Variants in PHYKPL observed in about 807,000 individuals in gnomAD.
The protein encoded by PHYKPL is 5-phosphohydroxy-L-lysine phospho-lyase, also known as 5-phosphonooxy-L-lysine phospho-lyase.
Under a neutral mutation model 51.3 loss-of-function variants are expected in PHYKPL, and 42 were observed. That is an observed-to-expected ratio of 0.82 (90% CI 0.64 to 1.06). PHYKPL has a LOEUF of 1.06. PHYKPL is among the 50% of genes least tolerant of loss of function. The pLI is 0.00. For synonymous variants in PHYKPL, 264 were observed against 236.0 expected, an observed-to-expected ratio of 1.12 and a Z score of -1.09; for missense variants, 655 against 586.6, an observed-to-expected ratio of 1.12 and a Z score of -1.20.
At chr5:178,217,699 A>C (rs539864813) in intron 8 of PHYKPL, among the ~76,000 whole-genome samples, 2 of 150,672 alleles carry the variant, frequency 1.3e-5, no homozygotes, top group Non-Finnish European at 3.0e-5. Flanking sequence ...TGTACTAAAA[A>C]TACAAAAGAT....
chr5:178,217,857 C>CA (rs754292344), intron 8 of PHYKPL, among the ~76,000 whole-genome samples: 1 of 122,076 alleles, frequency 8.2e-6, no homozygotes. Flanking sequence ...GACTCCGTCT[C>CA]AGAAAAAAAA....
intron 12 of PHYKPL, chr5:178,209,552 A>T: frequency 6.8e-5 from 63 of 929,178 alleles, no homozygotes; most frequent in East Asian, 1.3e-4. Context: ...GGGTGGGCAG[A>T]TTGTGTGAGG....
intron 4 of PHYKPL, 116 bp downstream of exon 4, chr5:178,225,239 C>T (rs1034425047): frequency 7.7e-5 from 93 of 1,201,242 alleles, no homozygotes; most frequent in Non-Finnish European, 1.1e-4. Flanking sequence ...CACTTGTCTT[C>T]AGTAGCCCAG....
intron 3 of PHYKPL, chr5:178,228,188 G>A: frequency 3.6e-6 from 1 of 275,054 alleles, no homozygotes; most frequent in Non-Finnish European, 6.9e-6. Flanking sequence ...GAGAATGGAA[G>A]AGATCACCTG....
At chr5:178,210,547 C>A in intron 12 of PHYKPL, 1 of 1,613,736 alleles carries the variant, frequency 6.2e-7, no homozygotes, top group Non-Finnish European at 8.5e-7. Context: ...TTGTTCTCGT[C>A]CCTAGGTCAG....
chr5:178,232,475 GC>G lies in PHYKPL; in HGVS notation c.59+16del, dbSNP rs575013913. ...CGCAGCCCCGCGCCCCCCGCCGCCC[GC>G]CCCCCGCCCGGGTACCTGATGAGCC... On this transcript the variant is annotated intron_variant, in intron 1 of 12. Coordinates refer to ENST00000308158, the MANE Select transcript of PHYKPL (RefSeq NM_153373.4). 8 of 1,232,476 alleles carry G rather than the reference GC, an allele frequency of 6.5e-6. No individual in the cohort carries two copies. Among genetic ancestry groups the G allele is most frequent in the African/African-American group, 1.6e-5 (1 of 62,416 alleles). 76.3% of individuals were successfully genotyped at this position (1,232,476 alleles called of 1,614,324 possible). A position where few individuals can be genotyped will look rare whatever the true frequency, so the allele number is the denominator to read the frequency against.
chr5:178,221,285 G>C (rs1761125269), intron 8 of PHYKPL, among the ~76,000 whole-genome samples: 1 of 152,112 alleles, frequency 6.6e-6, no homozygotes, highest in Non-Finnish European at 1.5e-5. Flanking sequence ...CAACCCACTT[G>C]ATTTCCTGCT....
At chr5:178,207,764 A>ACAAT (rs1403589583), downstream of PHYKPL, among the ~76,000 whole-genome samples, 1 of 146,970 alleles carries the variant, frequency 6.8e-6, no homozygotes, top group Non-Finnish European at 1.5e-5. Context: ...GTGCGGTAAC[A>ACAAT]CAATCATGGC....
rs1290804169 is a variant in PHYKPL, at chr5:178,211,893, G to C, written c.*28C>G. ...GTAAGAAGCAAGGCCCACTCACCTGGAGTACACTTAGGCAGAGCAGGGCTG... is the reference window on the plus strand; with the variant it reads ...GTAAGAAGCAAGGCCCACTCACCTGCAGTACACTTAGGCAGAGCAGGGCTG... On this transcript the variant is annotated 3_prime_UTR_variant, in exon 12 of 13. Coordinates refer to ENST00000308158, the MANE Select transcript of PHYKPL (RefSeq NM_153373.4). The C allele has an allele frequency of 6.2e-7, 1 of 1,611,972 alleles. No homozygotes were observed. The highest frequency in any genetic ancestry group is 1.3e-5 in the African/African-American group (1 of 75,024).
chr5:178,208,019 T>C (rs528526139), downstream of PHYKPL, among the ~76,000 whole-genome samples: 5 of 152,254 alleles, frequency 3.3e-5, no homozygotes, highest in Non-Finnish European at 7.4e-5. Flanking sequence ...CAGGCAAAAA[T>C]CCTTCCAAAG....
intron 10 of PHYKPL, among the ~76,000 whole-genome samples, chr5:178,213,570 T>G (rs2113725325): frequency 6.6e-6 from 1 of 152,374 alleles, no homozygotes; most frequent in South Asian, 2.1e-4. Flanking sequence ...AATTCCAGTT[T>G]AAAATGTCCA....
At chr5:178,207,506 A>C (rs571626005), downstream of PHYKPL, among the ~76,000 whole-genome samples, 232 of 152,098 alleles carry the variant, frequency 1.5e-3, no homozygotes, top group African/African-American at 5.4e-3. Context: ...TCCTCACTTA[A>C]AGCTAGAGGT....
At chr5:178,207,457 G>A (rs912549435), downstream of PHYKPL, among the ~76,000 whole-genome samples, 2 of 152,170 alleles carry the variant, frequency 1.3e-5, no homozygotes, top group African/African-American at 4.8e-5. Flanking sequence ...AGGAGAAGGT[G>A]GCCTCTGTGA....
intron 12 of PHYKPL, chr5:178,209,540 A>T: frequency 2.3e-4 from 238 of 1,023,540 alleles, no homozygotes; most frequent in East Asian, 5.6e-4. Flanking sequence ...GCTGTGCAGC[A>T]GGGGTGGGCA....
intron 12 of PHYKPL, chr5:178,210,477 G>A: frequency 6.6e-7 from 1 of 1,512,000 alleles, no homozygotes; most frequent in Non-Finnish European, 9.2e-7. Flanking sequence ...GAGGGTCCTG[G>A]GAAGATGCAT....
intron 12 of PHYKPL, chr5:178,210,930 G>C (rs1303542395): frequency 2.6e-6 from 1 of 387,860 alleles, no homozygotes; most frequent in Non-Finnish European, 4.7e-6. Context: ...TGTGGACCCT[G>C]GTTGTAAAGA....
intron 12 of PHYKPL, 31 bp downstream of exon 12, chr5:178,211,859 T>G: frequency 6.5e-7 from 1 of 1,529,134 alleles, no homozygotes; most frequent in Non-Finnish European, 9.1e-7. Flanking sequence ...CCGCTGTGCA[T>G]CTTCAAGAGT....
At chr5:178,232,435 G>T in intron 1 of PHYKPL, 57 bp downstream of exon 1, 1 of 1,375,958 alleles carries the variant, frequency 7.3e-7, no homozygotes, top group Non-Finnish European at 9.3e-7. Flanking sequence ...CGTCGTGCGT[G>T]CGCGTGCCTC....
chr5:178,224,321 C>A (rs2113926244), intron 6 of PHYKPL, 127 bp downstream of exon 6: 2 of 1,069,162 alleles, frequency 1.9e-6, no homozygotes, highest in Non-Finnish European at 1.3e-6. Context: ...CTGCCCCTAT[C>A]CCAGATTCCT....
Sources: gnomAD v4.1 joint callset for allele counts (sites outside exome capture counted in the v4.1 genomes callset) on GRCh38, gnomAD v4.1.1 for gene constraint, MANE v1.5 for transcripts, NCBI Gene and HGNC (gene_info 2026-07-23, HGNC 2026-07-21) for gene names.